ADGRL2: variants seen among roughly 807,000 people sequenced by gnomAD.
The protein encoded by ADGRL2 is adhesion G protein-coupled receptor L2, also known as calcium-independent alpha-latrotoxin receptor 2.
ADGRL2 carries 44 observed loss-of-function variants against 157.4 expected under a neutral mutation model. That is an observed-to-expected ratio of 0.28 (90% CI 0.22 to 0.36). The LOEUF is 0.36. ADGRL2 is among the 10% of genes least tolerant of loss of function. ADGRL2 has a pLI of 1.00. For missense variants in ADGRL2, 1,510 were observed against 1,768.9 expected, an observed-to-expected ratio of 0.85 and a Z score of 2.63; for synonymous variants, 585 against 624.7, an observed-to-expected ratio of 0.94 and a Z score of 0.95.
intron 2 of ADGRL2, among the ~76,000 whole-genome samples, chr1:81,865,845 T>G (rs918555546): frequency 1.3e-5 from 2 of 152,236 alleles, no homozygotes; most frequent in African/African-American, 4.8e-5. Context: ...ACAGTTTGTA[T>G]CTTCTAAGTT....
intron 2 of ADGRL2, among the ~76,000 whole-genome samples, chr1:81,552,291 G>C (rs1156370354): frequency 6.6e-6 from 1 of 152,032 alleles, no homozygotes; most frequent in Non-Finnish European, 1.5e-5. Flanking sequence ...GTTTGAAGAA[G>C]GATTTGGCTG....
At chr1:81,891,569 T>G (rs550773058) in intron 2 of ADGRL2, among the ~76,000 whole-genome samples, 1 of 152,308 alleles carries the variant, frequency 6.6e-6, no homozygotes, top group African/African-American at 2.4e-5. Context: ...CCAATTAAAT[T>G]GAGCATTACA....
At chr1:81,838,657 G>T (rs1054640465) in intron 2 of ADGRL2, among the ~76,000 whole-genome samples, 3 of 152,056 alleles carry the variant, frequency 2.0e-5, no homozygotes, top group Non-Finnish European at 4.4e-5. Context: ...AAGATTCCAG[G>T]TGTGGACCAA....
At chr1:81,386,018 A>G (rs2076428644) in intron 1 of ADGRL2, among the ~76,000 whole-genome samples, 1 of 152,166 alleles carries the variant, frequency 6.6e-6, no homozygotes, top group Non-Finnish European at 1.5e-5. Flanking sequence ...TAATTAAAAA[A>G]AAATGGCTTC....
At chr1:81,567,795 A>T (rs1400530189) in intron 2 of ADGRL2, among the ~76,000 whole-genome samples, 3 of 152,154 alleles carry the variant, frequency 2.0e-5, no homozygotes, top group Non-Finnish European at 4.4e-5. Context: ...ATATTGTTGA[A>T]ACAAACTAGC....
Position 81,601,794 on chromosome 1 carries a change from A to G in ADGRL2, c.-143+20814A>G, listed in dbSNP as rs144867262. Among the ~76,000 whole-genome samples the G allele has an allele frequency of 2.3e-3, 345 of 152,360 alleles. 3 individuals are homozygous for G. Among genetic ancestry groups the G allele is most frequent in the African/African-American group, 7.9e-3 (330 of 41,592 alleles). On this transcript the variant is annotated intron_variant, in intron 3 of 24. Coordinates refer to the ADGRL2 transcript ENST00000370721. ...GTAGTGACCCTCTCACATTTCAGAC[A>G]TAATTCCTCTCTGCCCCACCTATGT... is the stretch of plus-strand genomic sequence containing the variant.
chr1:81,887,020 C>G (rs890675318), intron 2 of ADGRL2, among the ~76,000 whole-genome samples: 2 of 151,948 alleles, frequency 1.3e-5, no homozygotes, highest in African/African-American at 4.8e-5. Context: ...AAAAAGTGCC[C>G]CCTATTTTAA....
At chr1:81,397,826 G>T (rs1011827662) in intron 1 of ADGRL2, among the ~76,000 whole-genome samples, 3 of 152,122 alleles carry the variant, frequency 2.0e-5, no homozygotes, top group Non-Finnish European at 2.9e-5. Flanking sequence ...CTGGTATTAG[G>T]TACATTTGGT....
At position 81,943,806 on chromosome 1, in the gene ADGRL2, G is replaced by C. The variant is rs1648857175; in HGVS notation, c.1210+37G>C. ...TACTTGCTAATGCTTATGTCATTTTGTGAAAAGCATTTTTCTTTTTAAAGA... is the reference window on the plus strand; with the variant it reads ...TACTTGCTAATGCTTATGTCATTTTCTGAAAAGCATTTTTCTTTTTAAAGA... On this transcript the variant is annotated intron_variant, in intron 6 of 23. Coordinates refer to ENST00000686636, the MANE Select transcript of ADGRL2 (RefSeq NM_001366006.2). The surrounding 1 kb of genome is among the most constrained non-coding windows in gnomAD (Gnocchi z 5.6). 6.7e-7 allele frequency: 1 copy of C among 1,497,242 alleles called. No homozygotes were observed. The highest frequency in any genetic ancestry group is 9.1e-7 in the Non-Finnish European group (1 of 1,102,038). 92.7% of individuals were successfully genotyped at this position (1,497,242 alleles called of 1,614,324 possible). A position where few individuals can be genotyped will look rare whatever the true frequency, so the allele number is the denominator to read the frequency against.
chr1:81,808,013 GA>G (rs545804847), intron 1 of ADGRL2, among the ~76,000 whole-genome samples: 84 of 149,476 alleles, frequency 5.6e-4, no homozygotes, highest in Non-Finnish European at 9.8e-4. Flanking sequence ...TTATCTAAAG[GA>G]AAAAAAAAGT....
intron 1 of ADGRL2, among the ~76,000 whole-genome samples, chr1:81,390,769 A>T (rs1318897146): frequency 4.6e-5 from 7 of 152,420 alleles, no homozygotes; most frequent in Non-Finnish European, 8.8e-5. Context: ...CTTTTTTGGT[A>T]CTGCAAAGTA....
chr1:81,339,859 G>T (rs1376446701), intron 1 of ADGRL2, among the ~76,000 whole-genome samples: 1 of 152,098 alleles, frequency 6.6e-6, no homozygotes, highest in East Asian at 1.9e-4. Context: ...TCTGGTTTCA[G>T]CTCAGCCATG....
intron 3 of ADGRL2, among the ~76,000 whole-genome samples, chr1:81,594,431 G>A (rs1557490739): frequency 6.6e-6 from 1 of 151,742 alleles, no homozygotes; most frequent in Non-Finnish European, 1.5e-5. Context: ...GATAAGTCAA[G>A]TTGTCATTCT....
chr1:81,922,405 A>T (rs1050224254), intron 3 of ADGRL2, among the ~76,000 whole-genome samples: 1 of 152,190 alleles, frequency 6.6e-6, no homozygotes, highest in Non-Finnish European at 1.5e-5. Flanking sequence ...CTCAAAAATT[A>T]TGAAAATAGT....
intron 2 of ADGRL2, among the ~76,000 whole-genome samples, chr1:81,781,431 T>A (rs1357531928): frequency 2.0e-5 from 3 of 152,032 alleles, no homozygotes; most frequent in Non-Finnish European, 4.4e-5. Flanking sequence ...GAGGAAAAGG[T>A]TTTTCAGCTA....
chr1:81,931,253 G>A (rs971885760), intron 3 of ADGRL2, among the ~76,000 whole-genome samples: 2 of 152,074 alleles, frequency 1.3e-5, no homozygotes, highest in African/African-American at 4.8e-5. Flanking sequence ...TGTGGTTGAT[G>A]GATTTTATTA....
chr1:81,319,299 TA>T (rs2100607364), intron 1 of ADGRL2, among the ~76,000 whole-genome samples: 1 of 152,308 alleles, frequency 6.6e-6, no homozygotes, highest in Non-Finnish European at 1.5e-5. Flanking sequence ...GAAAGAATTT[TA>T]AAGCAAATTC....
At chr1:81,767,628 T>C (rs1557634169) in intron 2 of ADGRL2, among the ~76,000 whole-genome samples, 1 of 151,850 alleles carries the variant, frequency 6.6e-6, no homozygotes, top group Non-Finnish European at 1.5e-5. Flanking sequence ...TCTTAGCACT[T>C]TGGGAGGTCG....
intron 2 of ADGRL2, among the ~76,000 whole-genome samples, chr1:81,848,353 A>G (rs2092874261): frequency 1.3e-5 from 2 of 151,746 alleles, no homozygotes; most frequent in Admixed American, 6.6e-5. Context: ...ACTTTGAATC[A>G]CAGCTTGGAT....
Sources: gnomAD v4.1 joint callset for allele counts (sites outside exome capture counted in the v4.1 genomes callset) on GRCh38, gnomAD v4.1.1 for gene constraint, Gnocchi (gnomAD v3.1) non-coding constraint, MANE v1.5 for transcripts, NCBI Gene and HGNC (gene_info 2026-07-23, HGNC 2026-07-21) for gene names.